TMTC2: variants seen among roughly 807,000 people sequenced by gnomAD.
TMTC2 encodes protein O-mannosyl-transferase TMTC2.
Under a neutral mutation model 82.4 loss-of-function variants are expected in TMTC2, and 43 were observed. The ratio of observed to expected loss-of-function variants is 0.52; its 90% CI spans 0.41 to 0.67. The LOEUF (loss-of-function observed/expected upper bound fraction) is 0.67. Ranked by LOEUF, TMTC2 falls within the 30% of genes least tolerant of loss-of-function variation. TMTC2 has a pLI of 0.00. For missense variants in TMTC2, 919 were observed against 1,012.4 expected, an observed-to-expected ratio of 0.91 and a Z score of 1.25; for synonymous variants, 408 against 381.9, an observed-to-expected ratio of 1.07 and a Z score of -0.80.
intron 1 of TMTC2, 26 bp from the exon 2 acceptor site, chr12:82,856,984 A>G (rs751659754): frequency 6.4e-7 from 1 of 1,572,700 alleles, no homozygotes; most frequent in Non-Finnish European, 8.6e-7. Flanking sequence ...TTTACATTTG[A>G]TTTTTTTTAA....
intron 3 of TMTC2, among the ~76,000 whole-genome samples, chr12:82,898,900 G>T (rs1873817698): frequency 6.6e-6 from 1 of 152,228 alleles, no homozygotes; most frequent in African/African-American, 2.4e-5. Context: ...TAGGGTATAA[G>T]TAGCAGTCAG....
At chr12:82,771,066 G>A (rs1225014579) in intron 1 of TMTC2, among the ~76,000 whole-genome samples, 1 of 152,010 alleles carries the variant, frequency 6.6e-6, no homozygotes. Context: ...AATTAGCCAG[G>A]CATGGTGGCA....
intron 11 of TMTC2, among the ~76,000 whole-genome samples, chr12:83,088,570 T>C (rs1883737495): frequency 6.6e-6 from 1 of 152,316 alleles, no homozygotes; most frequent in East Asian, 1.9e-4. Context: ...TTCAATATTG[T>C]TGTGTCTCTA....
At chr12:83,013,903 G>A (rs959670888) in intron 8 of TMTC2, among the ~76,000 whole-genome samples, 1 of 152,146 alleles carries the variant, frequency 6.6e-6, no homozygotes, top group African/African-American at 2.4e-5. Flanking sequence ...GGTGGGCGAT[G>A]TATTCTTAAA....
intron 11 of TMTC2, among the ~76,000 whole-genome samples, chr12:83,080,385 C>CTG (rs1000367908): frequency 3.7e-4 from 55 of 150,474 alleles, no homozygotes; most frequent in East Asian, 1.9e-3. Context: ...CTCTCTCTCT[C>CTG]TGTGTGTGTG....
At chr12:82,992,619 T>A (rs186272536) in intron 8 of TMTC2, among the ~76,000 whole-genome samples, 1 of 152,348 alleles carries the variant, frequency 6.6e-6, no homozygotes, top group East Asian at 1.9e-4. Context: ...GATTTATCAG[T>A]CTGGAGCTAA....
intron 1 of TMTC2, among the ~76,000 whole-genome samples, chr12:82,740,672 C>T (rs1875355247): frequency 6.6e-6 from 1 of 152,152 alleles, no homozygotes; most frequent in African/African-American, 2.4e-5. Flanking sequence ...AACAGTTTCC[C>T]CTCAGCCCTT....
At chr12:82,943,101 G>A (rs1373273654) in intron 4 of TMTC2, among the ~76,000 whole-genome samples, 1 of 152,180 alleles carries the variant, frequency 6.6e-6, no homozygotes, top group Non-Finnish European at 1.5e-5. Flanking sequence ...TGAAGGCTAA[G>A]AAAGTCCCTC....
intron 1 of TMTC2, among the ~76,000 whole-genome samples, chr12:82,765,234 T>A (rs1876882993): frequency 6.6e-6 from 1 of 152,174 alleles, no homozygotes; most frequent in South Asian, 2.1e-4. Context: ...TTAATTTCCT[T>A]TCATATTTCA....
At chr12:82,923,701 G>A (rs1461627939) in intron 3 of TMTC2, among the ~76,000 whole-genome samples, 1 of 151,856 alleles carries the variant, frequency 6.6e-6, no homozygotes. Flanking sequence ...ATATATTATG[G>A]CTAAAATATA....
At chr12:82,722,549 A>G (rs538928438) in intron 1 of TMTC2, among the ~76,000 whole-genome samples, 80 of 126,594 alleles carry the variant, frequency 6.3e-4, no homozygotes, top group African/African-American at 2.3e-3. Flanking sequence ...CCTGGGCCAC[A>G]GAGTGAGACT....
chr12:82,881,994 A>ATTT (rs869127384), intron 2 of TMTC2, among the ~76,000 whole-genome samples: 1,135 of 107,222 alleles, frequency 0.011, 28 homozygotes, highest in East Asian at 0.072. Context: ...TGTTGTTAAG[A>ATTT]TTTTTTTTTT....
intron 1 of TMTC2, among the ~76,000 whole-genome samples, chr12:82,770,457 T>G (rs181608042): frequency 6.6e-6 from 1 of 152,178 alleles, no homozygotes; most frequent in Admixed American, 6.5e-5. Flanking sequence ...AGTAACTTTC[T>G]TAGATAGAAT....
intron 1 of TMTC2, among the ~76,000 whole-genome samples, chr12:82,725,491 G>T (rs1290396607): frequency 2.0e-5 from 3 of 152,084 alleles, no homozygotes; most frequent in African/African-American, 7.2e-5. Flanking sequence ...ATCATAAAAA[G>T]AAAAATAAAA....
At chr12:82,821,259 T>C (rs1869093592) in intron 1 of TMTC2, among the ~76,000 whole-genome samples, 1 of 152,194 alleles carries the variant, frequency 6.6e-6, no homozygotes, top group African/African-American at 2.4e-5. Context: ...ACAAAGCAAA[T>C]AGGGGAGTAC....
At chr12:82,937,797 C>T (rs56184829) in intron 4 of TMTC2, among the ~76,000 whole-genome samples, 1,761 of 21,550 alleles carry the variant, frequency 0.082, 106 homozygotes, top group Non-Finnish European at 0.11. Context: ...TATATATATA[C>T]ACACATATAT....
In TMTC2 at chr12:83,004,722, A is replaced by ATTTTTTTTTTTTTTTT. The variant is rs528076999; in HGVS notation, c.2070+18706_2070+18721dup. ...TTCACAGGCAGTGTATACTGGCCGA[A>ATTTTTTTTTTTTTTTT]TTTTTTTTTTTTTTTTTTTTTTTTT... On this transcript the variant is annotated intron_variant, in intron 8 of 11. Transcript: ENST00000321196. Among the ~76,000 whole-genome samples, 11 of 36,034 alleles carry ATTTTTTTTTTTTTTTT rather than the reference A, an allele frequency of 3.1e-4. 4 individuals are homozygous for ATTTTTTTTTTTTTTTT. The highest frequency in any genetic ancestry group is 5.3e-4 in the Non-Finnish European group (10 of 18,966). The allele number at this position is 36,034 out of a possible 152,430, so 23.6% of individuals were successfully genotyped here.
intron 1 of TMTC2, among the ~76,000 whole-genome samples, chr12:82,813,966 A>T (rs1868548963): frequency 6.6e-6 from 1 of 152,146 alleles, no homozygotes; most frequent in Non-Finnish European, 1.5e-5. Flanking sequence ...AATAATGAAG[A>T]TGATAATGAT....
chr12:82,874,802 A>G (rs137969969), intron 2 of TMTC2, among the ~76,000 whole-genome samples: 3 of 152,294 alleles, frequency 2.0e-5, no homozygotes, highest in Admixed American at 6.5e-5. Flanking sequence ...CATTACCTGT[A>G]TAATCATTTT....
Sources: gnomAD v4.1 joint callset for allele counts (sites outside exome capture counted in the v4.1 genomes callset) on GRCh38, gnomAD v4.1.1 for gene constraint, MANE v1.5 for transcripts, NCBI Gene and HGNC (gene_info 2026-07-23, HGNC 2026-07-21) for gene names.